The following SIL1 variants were observed in gnomAD, a reference collection of about 807,000 sequenced individuals.
The protein encoded by SIL1 is nucleotide exchange factor SIL1.
In SIL1, 40 loss-of-function variants were observed where a neutral mutation model predicts 49.1. That is an observed-to-expected ratio of 0.81 (90% CI 0.63 to 1.06). The LOEUF (loss-of-function observed/expected upper bound fraction) is 1.06. Ranked by LOEUF, SIL1 falls within the 50% of genes least tolerant of loss-of-function variation. The pLI is 0.00. For missense variants in SIL1, 500 were observed against 572.6 expected (o/e 0.87, Z 1.29); for synonymous variants, 253 against 250.8 (o/e 1.01, Z -0.08).
intron 3 of SIL1, among the ~76,000 whole-genome samples, chr5:139,106,814 AC>A (rs1770723403): frequency 6.6e-6 from 1 of 152,254 alleles, no homozygotes; most frequent in Non-Finnish European, 1.5e-5. Context: ...CAAGCAAAAT[AC>A]CTGCTTTGTG....
intron 4 of SIL1, among the ~76,000 whole-genome samples, chr5:139,043,396 T>C (rs924983357): frequency 6.6e-6 from 1 of 152,252 alleles, no homozygotes; most frequent in Admixed American, 6.5e-5. Context: ...TATTTTTCCA[T>C]GAAAGGGGAC....
chr5:139,148,501 G>A (rs1751234560), intron 1 of SIL1, among the ~76,000 whole-genome samples: 1 of 152,206 alleles, frequency 6.6e-6, no homozygotes, highest in South Asian at 2.1e-4. Flanking sequence ...TTGCTGTAAG[G>A]GGATGACATG....
At chr5:138,980,185 G>A (rs1767484387) in intron 7 of SIL1, among the ~76,000 whole-genome samples, 1 of 152,178 alleles carries the variant, frequency 6.6e-6, no homozygotes, top group African/African-American at 2.4e-5. Flanking sequence ...CAGATATTAG[G>A]GTTGTTTCCA....
At chr5:139,170,505 G>A (rs1382720458) in intron 1 of SIL1, among the ~76,000 whole-genome samples, 6 of 148,726 alleles carry the variant, frequency 4.0e-5, no homozygotes, top group Non-Finnish European at 7.4e-5. Flanking sequence ...TGTGGGGAGC[G>A]CCTCTGCCCC....
chr5:139,064,727 A>G (rs555298168), intron 3 of SIL1, among the ~76,000 whole-genome samples: 36 of 152,284 alleles, frequency 2.4e-4, no homozygotes, highest in Admixed American at 1.7e-3. Flanking sequence ...GACCTAGGCA[A>G]TTGTTCAGCT....
chr5:139,090,646 C>G (rs984894819), intron 3 of SIL1, among the ~76,000 whole-genome samples: 31 of 152,292 alleles, frequency 2.0e-4, no homozygotes, highest in Non-Finnish European at 7.4e-5. Flanking sequence ...GGGTCTCGCT[C>G]TGTCGGCCAG....
intron 1 of SIL1, among the ~76,000 whole-genome samples, chr5:139,182,544 C>T (rs941443838): frequency 6.6e-6 from 1 of 152,068 alleles, no homozygotes; most frequent in Non-Finnish European, 1.5e-5. Flanking sequence ...ACAAAAGAGC[C>T]GTGGACGGCA....
intron 5 of SIL1, among the ~76,000 whole-genome samples, chr5:139,039,583 T>C (rs1039769064): frequency 1.3e-5 from 2 of 152,168 alleles, no homozygotes; most frequent in Non-Finnish European, 2.9e-5. Context: ...TCCAAGGAAC[T>C]CACTGATGTC....
At chr5:139,134,647 C>T (rs1448743886) in intron 1 of SIL1, among the ~76,000 whole-genome samples, 1 of 152,176 alleles carries the variant, frequency 6.6e-6, no homozygotes, top group Non-Finnish European at 1.5e-5. Context: ...ACCCTCCTGG[C>T]TGAAAATGGA....
intron 7 of SIL1, among the ~76,000 whole-genome samples, chr5:138,952,198 C>CCTTCCTTCCTTCCT (rs1333424914): frequency 6.6e-6 from 1 of 152,250 alleles, no homozygotes; most frequent in Non-Finnish European, 1.5e-5. Flanking sequence ...GCCGAAGGTG[C>CCTTCCTTCCTTCCT]TCCTTCAGCG....
chr5:139,016,140 C>G (rs1414921086), intron 7 of SIL1, among the ~76,000 whole-genome samples: 1 of 152,028 alleles, frequency 6.6e-6, no homozygotes, highest in Admixed American at 6.6e-5. Context: ...GAATGATTGT[C>G]TAGTAGACAA....
rs530777143 is a variant in SIL1, at chr5:139,108,687, G to C, written c.244+12348C>G. Among the ~76,000 whole-genome samples, 11 of 152,274 alleles carry C rather than the reference G, an allele frequency of 7.2e-5. 1 individual carries two copies. Among genetic ancestry groups the C allele is most frequent in the Admixed American group, 7.2e-4 (11 of 15,296 alleles). On this transcript the variant is annotated intron_variant, in intron 3 of 9. Coordinates refer to ENST00000394817, the MANE Select transcript of SIL1 (RefSeq NM_022464.5). ...TTTTTCCTCTAGTTCTGACTGATCA[G>C]CGAAATACGTGGCTGGAAGAATAGG...
chr5:139,112,078 C>A (rs10069515), intron 3 of SIL1, among the ~76,000 whole-genome samples: 2 of 152,184 alleles, frequency 1.3e-5, no homozygotes, highest in Admixed American at 6.5e-5. Flanking sequence ...AGCTCCTAAC[C>A]GCGAGTGATC....
intron 3 of SIL1, among the ~76,000 whole-genome samples, chr5:139,115,132 G>T (rs1020199534): frequency 6.7e-6 from 1 of 150,364 alleles, no homozygotes; most frequent in Non-Finnish European, 1.5e-5. Context: ...ATCCTTCCAG[G>T]ATCAGGGAGG....
At chr5:139,175,900 T>C (rs1751871744) in intron 1 of SIL1, among the ~76,000 whole-genome samples, 1 of 152,066 alleles carries the variant, frequency 6.6e-6, no homozygotes, top group South Asian at 2.1e-4. Flanking sequence ...GAGGTGGAGG[T>C]TGCAGTGAGC....
chr5:139,136,950 G>T (rs1440976150), intron 1 of SIL1, among the ~76,000 whole-genome samples: 1 of 152,124 alleles, frequency 6.6e-6, no homozygotes, highest in East Asian at 1.9e-4. Context: ...GCAGAAGGAG[G>T]GGGCAGGGAG....
At chr5:138,972,073 G>A (rs945992944) in intron 7 of SIL1, among the ~76,000 whole-genome samples, 6 of 152,300 alleles carry the variant, frequency 3.9e-5, no homozygotes, top group Admixed American at 1.3e-4. Context: ...TGAGACATAG[G>A]AGGCCTCGTT....
chr5:138,957,831 A>G (rs758702844), intron 7 of SIL1, among the ~76,000 whole-genome samples: 2 of 152,180 alleles, frequency 1.3e-5, no homozygotes, highest in Non-Finnish European at 2.9e-5. Context: ...ACTAACACTG[A>G]CACAGTAATC....
At chr5:139,130,395 A>T (rs1050112190) in intron 1 of SIL1, among the ~76,000 whole-genome samples, 1 of 152,240 alleles carries the variant, frequency 6.6e-6, no homozygotes, top group Admixed American at 6.5e-5. Flanking sequence ...ATCATTAACC[A>T]TGAGGGAAAT....
Sources: gnomAD v4.1 joint callset for allele counts (sites outside exome capture counted in the v4.1 genomes callset) on GRCh38, gnomAD v4.1.1 for gene constraint, MANE v1.5 for transcripts, NCBI Gene and HGNC (gene_info 2026-07-23, HGNC 2026-07-21) for gene names.